Variants in ANO3 observed in about 807,000 individuals in gnomAD.
ANO3 encodes anoctamin 3, also known as anoctamin-3.
Under a neutral mutation model 144.8 loss-of-function variants are expected in ANO3, and 99 were observed. The observed-to-expected ratio is 0.68, with a 90% CI of 0.58 to 0.81. ANO3 has a LOEUF of 0.81. ANO3 is among the 30% of genes least tolerant of loss of function. The pLI is 0.00. For synonymous variants in ANO3, 414 were observed against 392.6 expected (o/e 1.05, Z -0.64); for missense variants, 905 against 1,202.2 (o/e 0.75, Z 3.66).
chr11:26,609,495 A>ATATAT (rs1852032513), intron 17 of ANO3, among the ~76,000 whole-genome samples: 1 of 150,668 alleles, frequency 6.6e-6, no homozygotes, highest in Admixed American at 6.6e-5. Context: ...TGCAGGATTC[A>ATATAT]CATATCCTGC....
chr11:26,236,674 C>A (rs148082343), intron 1 of ANO3, among the ~76,000 whole-genome samples: 11,015 of 151,720 alleles, frequency 0.073, 734 homozygotes, highest in African/African-American at 0.18. Flanking sequence ...AAAAATTAGC[C>A]GGGCATGGTG....
chr11:26,623,044 C>A (rs1852467336), intron 17 of ANO3, among the ~76,000 whole-genome samples: 1 of 152,122 alleles, frequency 6.6e-6, no homozygotes, highest in Admixed American at 6.5e-5. Flanking sequence ...GTAGGAATCA[C>A]CTGGTGTTCA....
intron 4 of ANO3, among the ~76,000 whole-genome samples, chr11:26,502,849 GAAA>G: frequency 1.3e-5 from 1 of 77,774 alleles, no homozygotes; most frequent in East Asian, 4.3e-4. Flanking sequence ...AACATTCAGG[GAAA>G]AAAAAAAAAA....
At chr11:26,355,554 C>A (rs1385651252) in intron 1 of ANO3, among the ~76,000 whole-genome samples, 1 of 148,490 alleles carries the variant, frequency 6.7e-6, no homozygotes, top group Non-Finnish European at 1.5e-5. Flanking sequence ...AAATTTCTTT[C>A]TTTCTTTCTT....
intron 1 of ANO3, among the ~76,000 whole-genome samples, chr11:26,416,298 G>C (rs556046020): frequency 2.0e-5 from 3 of 152,178 alleles, no homozygotes. Flanking sequence ...TTAAGAAAAA[G>C]ATTTAGTTGA....
rs139556096 is a variant in ANO3, at chr11:26,215,014, A to G, written c.154+25684A>G. ...GTATTTTTGGAAAGACCACAGAAAT[A>G]AAGTGTCATTATGATCACATCATGA... On this transcript the variant is annotated intron_variant, in intron 1 of 27. Transcript: ENST00000672621. Among the ~76,000 whole-genome samples the G allele has an allele frequency of 9.5e-4, 144 of 152,100 alleles. 1 individual carries two copies. The highest frequency in any genetic ancestry group is 3.3e-3 in the African/African-American group (139 of 41,550).
At chr11:26,526,860 G>A (rs1328118565) in intron 7 of ANO3, among the ~76,000 whole-genome samples, 5 of 152,138 alleles carry the variant, frequency 3.3e-5, no homozygotes, top group Non-Finnish European at 5.9e-5. Flanking sequence ...TTTGGTCCTG[G>A]TCTATGTAGC....
intron 14 of ANO3, among the ~76,000 whole-genome samples, chr11:26,592,909 G>A (rs1851493952): frequency 6.6e-6 from 1 of 152,036 alleles, no homozygotes; most frequent in African/African-American, 2.4e-5. Flanking sequence ...TGTTTCTTTT[G>A]CTGAGTACTG....
intron 21 of ANO3, among the ~76,000 whole-genome samples, chr11:26,640,093 C>A (rs1853099546): frequency 6.6e-6 from 1 of 152,006 alleles, no homozygotes; most frequent in African/African-American, 2.4e-5. Context: ...GTGATATTAA[C>A]CCTGCAATCT....
chr11:26,642,342 C>CTTTTT (rs576729432), intron 22 of ANO3, among the ~76,000 whole-genome samples: 30 of 93,042 alleles, frequency 3.2e-4, no homozygotes, highest in African/African-American at 6.7e-4. Flanking sequence ...TTCTTTCTTT[C>CTTTTT]TTTTTTTTTT....
intron 3 of ANO3, among the ~76,000 whole-genome samples, chr11:26,445,576 G>C (rs371513317): frequency 1.3e-5 from 2 of 151,748 alleles, no homozygotes; most frequent in Admixed American, 6.6e-5. Flanking sequence ...ACTGTATCTC[G>C]TATTCACTAT....
At chr11:26,251,112 A>T (rs1852918250) in intron 1 of ANO3, among the ~76,000 whole-genome samples, 1 of 152,228 alleles carries the variant, frequency 6.6e-6, no homozygotes, top group Admixed American at 6.5e-5. Flanking sequence ...CTGAGTTCAT[A>T]TTGCTTTCAC....
chr11:26,416,734 G>T (rs1433486475), intron 1 of ANO3, among the ~76,000 whole-genome samples: 1 of 151,958 alleles, frequency 6.6e-6, no homozygotes, highest in African/African-American at 2.4e-5. Flanking sequence ...AATTTTCAGT[G>T]AAATTATTGG....
chr11:26,370,088 T>C (rs143077804), intron 1 of ANO3, among the ~76,000 whole-genome samples: 306 of 152,344 alleles, frequency 2.0e-3, no homozygotes, highest in African/African-American at 6.9e-3. Context: ...ATAGCTGATA[T>C]GAGTTGGCTG....
chr11:26,375,033 C>A (rs563933732), intron 1 of ANO3, among the ~76,000 whole-genome samples: 80 of 152,300 alleles, frequency 5.3e-4, no homozygotes, highest in African/African-American at 1.9e-3. Flanking sequence ...CGTGAGCCAC[C>A]ATGCCTGGCC....
chr11:26,434,941 T>C (rs1292558098), intron 1 of ANO3, among the ~76,000 whole-genome samples: 2 of 152,156 alleles, frequency 1.3e-5, no homozygotes, highest in African/African-American at 4.8e-5. Flanking sequence ...TCAGATCCAT[T>C]TGGTCCAATG....
chr11:26,229,082 A>T (rs375521801), intron 1 of ANO3, among the ~76,000 whole-genome samples: 2 of 147,648 alleles, frequency 1.4e-5, no homozygotes, highest in African/African-American at 4.9e-5. Flanking sequence ...AGGCCCTTAC[A>T]TCTTAAATAA....
intron 1 of ANO3, among the ~76,000 whole-genome samples, chr11:26,235,890 T>C (rs770093034): frequency 6.6e-6 from 1 of 152,126 alleles, no homozygotes; most frequent in Non-Finnish European, 1.5e-5. Flanking sequence ...TCTCCCTCCA[T>C]TCTATAGTTT....
chr11:26,493,872 C>T (rs1004466277), intron 4 of ANO3, among the ~76,000 whole-genome samples: 2 of 152,126 alleles, frequency 1.3e-5, no homozygotes, highest in Admixed American at 6.5e-5. Flanking sequence ...CTCTTTCCAC[C>T]GTGAAAACTC....
Sources: allele counts gnomAD v4.1 joint callset (sites outside exome capture counted in the v4.1 genomes callset), GRCh38; gene constraint gnomAD v4.1.1; transcripts MANE v1.5; gene names NCBI Gene and HGNC (gene_info 2026-07-23, HGNC 2026-07-21).